SPNS2: variants seen among roughly 807,000 people sequenced by gnomAD.
SPNS2 encodes the protein sphingosine-1-phosphate transporter SPNS2.
SPNS2 carries 37 observed loss-of-function variants against 57.6 expected under a neutral mutation model. That is an observed-to-expected ratio of 0.64 (90% CI 0.49 to 0.85). The LOEUF is 0.85. Among genes scored for constraint, SPNS2 ranks in the 40% least tolerant of loss-of-function variants. The pLI, the probability that SPNS2 is intolerant of heterozygous loss-of-function variation, is 0.00. For synonymous variants in SPNS2, 440 were observed against 346.9 expected, an observed-to-expected ratio of 1.27 and a Z score of -2.98; for missense variants, 831 against 779.1, an observed-to-expected ratio of 1.07 and a Z score of -0.79.
In SPNS2 at chr17:4,538,100, G is replaced by A. The variant is rs1597373599; in HGVS notation, c.*652G>A. On this transcript the variant is annotated 3_prime_UTR_variant, in exon 13 of 13. Transcript: ENST00000329078. ...TCTCGGGTTGGCTCCCAGCCTGGAG[G>A]TCCCAGATGGGGACTGTTCTGACAA... 3.0e-6 allele frequency: 1 copy of A among 333,814 alleles called. No individual in the cohort carries two copies. Among genetic ancestry groups the A allele is most frequent in the Non-Finnish European group, 5.9e-6 (1 of 168,174 alleles). 20.7% of individuals were successfully genotyped at this position (333,814 alleles called of 1,614,324 possible).
At chr17:4,525,308 A>C in intron 3 of SPNS2, 115 bp downstream of exon 3, 2 of 1,404,756 alleles carry the variant, frequency 1.4e-6, no homozygotes, top group Non-Finnish European at 9.7e-7. Context: ...CTTTGCTTGA[A>C]CCCCACTGTC....
In SPNS2 at chr17:4,531,091, C is replaced by A; in HGVS notation, c.764C>A (p.Ala255Glu). The change falls in exon 5 of 13, where the codon GCA (alanine) becomes GAA (glutamate). Residue 255 changes from alanine (A) to glutamate (E), a missense_variant. Ala to Glu is a moderately radical substitution (Grantham distance 107). Transcript: ENST00000329078. ...GYITGSSVKQ[A>E]AGDWHWALRV... is the part of the protein sequence containing the mutation. ...ATTACTGGCTCCAGCGTGAAGCAGG[C>A]AGCCGGAGACTGGCACTGGGCATTG... is the stretch of plus-strand genomic sequence containing the variant. 2 of 1,614,060 alleles carry A rather than the reference C, an allele frequency of 1.2e-6. No individual in the cohort carries two copies. Among genetic ancestry groups the A allele is most frequent in the Non-Finnish European group, 8.5e-7 (1 of 1,179,996 alleles).
rs1399932964 is a variant in SPNS2, at chr17:4,512,401, C to T, written c.371-846C>T. Among the ~76,000 whole-genome samples, 2 of 152,058 alleles carry T rather than the reference C, an allele frequency of 1.3e-5. No homozygotes were observed. The highest frequency in any genetic ancestry group is 2.9e-5 in the Non-Finnish European group (2 of 68,008). On this transcript the variant is annotated intron_variant, in intron 1 of 12. Transcript: ENST00000329078. The surrounding 1 kb of genome is among the most constrained non-coding windows in gnomAD (Gnocchi z 5.2). Reference sequence around the variant, plus strand: ...CCTGCCTGTCCCCCAGAAGCCATGGCTCTGCCAGTCTGCTGGGGCTGTGGG... The same window carrying T: ...CCTGCCTGTCCCCCAGAAGCCATGGTTCTGCCAGTCTGCTGGGGCTGTGGG...
chr17:4,513,292 G>A lies in SPNS2; in HGVS notation c.416G>A (p.Gly139Asp), dbSNP rs370910513. The change falls in exon 2 of 13, where the codon GGC becomes GAC. Residue 139 changes from glycine (G) to aspartate (D), a missense_variant. Transcript: ENST00000329078. ...CAGCACTTTGGGGTCAAGGACCGAG[G>A]CGCCGGCCTGCTGCAGTCAGGTGAG... ...IQQHFGVKDR[G>D]AGLLQSVFIC... The A allele has an allele frequency of 3.5e-5, 57 of 1,613,978 alleles. No homozygotes were observed. The South Asian group carries it at 5.3e-4, about 15-fold the overall frequency.
intron 2 of SPNS2, among the ~76,000 whole-genome samples, chr17:4,519,822 C>A (rs1420692545): frequency 6.6e-6 from 1 of 152,228 alleles, no homozygotes; most frequent in East Asian, 1.9e-4. Context: ...GTGTCCCCAT[C>A]GGACACAGTC....
Position 4,533,412 on chromosome 17 carries a change from A to T in SPNS2, c.1258A>T (p.Ser420Cys), listed in dbSNP as rs1174666503. Reference protein sequence around the residue: ...FICLIFVAAKSSIVGAYICIF... With the variant: ...FICLIFVAAKCSIVGAYICIF... ...CTGCCTGATCTTCGTGGCTGCCAAG[A>T]GCAGCATCGTAGGAGCCTATGTGAG... is the stretch of plus-strand genomic sequence containing the variant. The change falls in exon 8 of 13, where the codon AGC becomes TGC. Residue 420 changes from serine (S) to cysteine (C), a missense_variant. Physicochemically the swap from Ser to Cys is moderately radical, Grantham distance 112. Coordinates refer to ENST00000329078, the MANE Select transcript of SPNS2 (RefSeq NM_001124758.3). 6.2e-7 allele frequency: 1 copy of T among 1,606,606 alleles called. No individual in the cohort carries two copies. The highest frequency in any genetic ancestry group is 1.7e-5 in the Admixed American group (1 of 59,456).
intron 11 of SPNS2, 39 bp downstream of exon 11, chr17:4,536,465 G>A (rs1905815727): frequency 1.9e-6 from 3 of 1,574,242 alleles, no homozygotes; most frequent in African/African-American, 1.3e-5. Flanking sequence ...GCACCGCCGG[G>A]AAGCAGGGAC....
chr17:4,527,320 C>A (rs776746828), intron 3 of SPNS2, among the ~76,000 whole-genome samples: 8 of 152,198 alleles, frequency 5.3e-5, no homozygotes, highest in Admixed American at 1.3e-4. Flanking sequence ...ACTAAAACAG[C>A]AGAGGGATGG....
At chr17:4,500,529 T>G (rs1168775530) in intron 1 of SPNS2, among the ~76,000 whole-genome samples, 1 of 152,090 alleles carries the variant, frequency 6.6e-6, no homozygotes, top group East Asian at 1.9e-4. Flanking sequence ...GTGCCTGGCA[T>G]GCTGGCCCAG....
At chr17:4,535,257 T>TGGGGCCC (rs1905720802) in intron 9 of SPNS2, among the ~76,000 whole-genome samples, 1 of 151,998 alleles carries the variant, frequency 6.6e-6, no homozygotes, top group Admixed American at 6.5e-5. Flanking sequence ...GATGGGGGTC[T>TGGGGCCC]GGGGCCCAGC....
intron 5 of SPNS2, among the ~76,000 whole-genome samples, chr17:4,531,342 G>A (rs115491943): frequency 0.018 from 2,642 of 148,688 alleles, 78 homozygotes; most frequent in African/African-American, 0.066. Context: ...CGCCGCCCTC[G>A]GGGCCCCCAG....
chr17:4,502,031 ATATTT>A (rs1265443820), intron 1 of SPNS2, among the ~76,000 whole-genome samples: 3 of 152,230 alleles, frequency 2.0e-5, no homozygotes, highest in East Asian at 1.9e-4. Context: ...AATTCATAAT[ATATTT>A]TATTTAACTC....
intron 3 of SPNS2, among the ~76,000 whole-genome samples, chr17:4,526,985 C>G (rs543470113): frequency 6.6e-6 from 1 of 152,332 alleles, no homozygotes; most frequent in South Asian, 2.1e-4. Flanking sequence ...TGCCCCTGGC[C>G]AGGCCCCTGG....
rs2144291386 is a variant in SPNS2 at position 4,498,911 on chromosome 17, C to G, written c.-137C>G. 1 of 369,488 alleles carries G rather than the reference C, an allele frequency of 2.7e-6. No individual in the cohort carries two copies. The highest frequency in any genetic ancestry group is 1.6e-4 in the East Asian group (1 of 6,172). The allele number at this position is 369,488 out of a possible 1,614,324, so 22.9% of individuals were successfully genotyped here. On this transcript the variant is annotated 5_prime_UTR_variant, in exon 1 of 13. Coordinates refer to ENST00000329078, the MANE Select transcript of SPNS2 (RefSeq NM_001124758.3). ...GAGCTGAGCGGTGGCAGCGCCGCAGCCGGGGCCGGAGCGCAGGAGCCGACG... is the reference window on the plus strand; with the variant it reads ...GAGCTGAGCGGTGGCAGCGCCGCAGGCGGGGCCGGAGCGCAGGAGCCGACG...
At chr17:4,535,995 C>T (rs905261070) in intron 9 of SPNS2, 81 bp from the exon 10 acceptor site, 20 of 1,230,582 alleles carry the variant, frequency 1.6e-5, no homozygotes, top group Middle Eastern at 2.7e-4. Context: ...GTGGGGGCTT[C>T]AGAAGTGCCA....
chr17:4,537,106 G>C (rs1394541895), intron 12 of SPNS2, among the ~76,000 whole-genome samples, 160 bp downstream of exon 12: 1 of 152,232 alleles, frequency 6.6e-6, no homozygotes, highest in Non-Finnish European at 1.5e-5. Context: ...TTTACTGATG[G>C]AGCCATGGGT....
At position 4,505,750 on chromosome 17, in the gene SPNS2, C is replaced by T. The variant is rs575767407; in HGVS notation, c.370+6333C>T. On this transcript the variant is annotated intron_variant, in intron 1 of 12. Transcript: ENST00000329078. ...GGAGAGGAGAGGAGAGCATCGGCAT[C>T]GGGGCAAGAATCAAACCTGGAACGA... is the stretch of plus-strand genomic sequence containing the variant. 2.1e-3 allele frequency among the ~76,000 whole-genome samples: 326 copies of T among 152,238 alleles called. 1 individual carries two copies. The highest frequency in any genetic ancestry group is 6.8e-3 in the Middle Eastern group (2 of 294).
Position 4,536,407 on chromosome 17 carries a change from C to G in SPNS2, c.1588C>G (p.Arg530Gly), listed in dbSNP as rs563510360. The G allele has an allele frequency of 1.2e-5, 20 of 1,601,838 alleles. No individual in the cohort carries two copies. The highest frequency in any genetic ancestry group is 4.4e-5 in the South Asian group (4 of 90,932). Reference sequence around the variant, plus strand: ...CACTGCGCTCTTCTTCGTCAGCGACCGCGCCAGGGCTGAGCAGCAGTGAGT... The same window carrying G: ...CACTGCGCTCTTCTTCGTCAGCGACGGCGCCAGGGCTGAGCAGCAGTGAGT... ...LATALFFVSD[R>G]ARAEQQVNQL... The change falls in exon 11 of 13, where the codon CGC (arginine) becomes GGC (glycine). Residue 530 changes from arginine to glycine, a missense_variant. By Grantham distance (125) the Arg-to-Gly change is moderately radical (BLOSUM62 -2). Transcript: ENST00000329078.
At chr17:4,506,282 G>A (rs1026937631) in intron 1 of SPNS2, among the ~76,000 whole-genome samples, 4 of 152,150 alleles carry the variant, frequency 2.6e-5, no homozygotes, top group African/African-American at 9.7e-5. Context: ...TTGTGGGCTT[G>A]AGGGGAGCCA....
Sources: allele counts gnomAD v4.1 joint callset (sites outside exome capture counted in the v4.1 genomes callset), GRCh38; gene constraint gnomAD v4.1.1; non-coding constraint Gnocchi (gnomAD v3.1); transcripts MANE v1.5; gene names NCBI Gene and HGNC (gene_info 2026-07-23, HGNC 2026-07-21).